TMCO4: variants seen among roughly 807,000 people sequenced by gnomAD.
TMCO4 encodes the protein transmembrane and coiled-coil domains 4, also known as transmembrane and coiled-coil domain-containing protein 4.
Under a neutral mutation model 64.7 loss-of-function variants are expected in TMCO4, and 58 were observed. That is an observed-to-expected ratio of 0.90 (90% CI 0.73 to 1.12). The LOEUF (loss-of-function observed/expected upper bound fraction) is 1.12. Ranked by LOEUF, TMCO4 falls within the 50% of genes most tolerant of loss-of-function variation. The pLI is 0.00. For synonymous variants in TMCO4, 325 were observed against 346.1 expected (o/e 0.94, Z 0.68); for missense variants, 780 against 825.9 (o/e 0.94, Z 0.68).
At chr1:19,687,171 C>T (rs181919334) in intron 15 of TMCO4, among the ~76,000 whole-genome samples, 1 of 152,224 alleles carries the variant, frequency 6.6e-6, no homozygotes, top group African/African-American at 2.4e-5. Context: ...GGGCTGGTCT[C>T]GGACTCCCAA....
chr1:19,721,554 C>T (rs527599755), intron 13 of TMCO4, among the ~76,000 whole-genome samples: 14 of 152,078 alleles, frequency 9.2e-5, no homozygotes, highest in South Asian at 4.2e-4. Context: ...TTTGGGAGGC[C>T]GAGGTGAGTG....
At chr1:19,784,680 C>T (rs1284936305) in intron 3 of TMCO4, among the ~76,000 whole-genome samples, 1 of 152,068 alleles carries the variant, frequency 6.6e-6, no homozygotes, top group Non-Finnish European at 1.5e-5. Context: ...CACTAGGTTG[C>T]TTAAAAGCCT....
intron 6 of TMCO4, among the ~76,000 whole-genome samples, chr1:19,759,599 C>T (rs377359613): frequency 4.6e-5 from 7 of 152,246 alleles, no homozygotes; most frequent in African/African-American, 7.2e-5. Context: ...ACGGCTGCCT[C>T]GGGGCCTTTG....
rs543826517 is a variant in TMCO4, at chr1:19,701,783, G to A, written c.1265-898C>T. Among the ~76,000 whole-genome samples the A allele has an allele frequency of 9.2e-5, 14 of 152,208 alleles. 1 individual carries two copies. Among genetic ancestry groups the A allele is most frequent in the African/African-American group, 1.4e-4 (6 of 41,524 alleles). Reference sequence around the variant, plus strand: ...GGTCCTGGGGTCAGGGAGTGCACTCGTCCGCTGCATCGATCTAATGATTTA... The same window carrying A: ...GGTCCTGGGGTCAGGGAGTGCACTCATCCGCTGCATCGATCTAATGATTTA... On this transcript the variant is annotated intron_variant, in intron 13 of 15. Coordinates refer to ENST00000294543, the MANE Select transcript of TMCO4 (RefSeq NM_181719.7).
intron 13 of TMCO4, among the ~76,000 whole-genome samples, chr1:19,728,440 G>A (rs1479762478): frequency 6.6e-6 from 1 of 152,186 alleles, no homozygotes; most frequent in Non-Finnish European, 1.5e-5. Context: ...TGCTATTGCT[G>A]TGACAATGAT....
intron 13 of TMCO4, among the ~76,000 whole-genome samples, chr1:19,703,474 C>T (rs1403656857): frequency 6.6e-6 from 1 of 151,046 alleles, no homozygotes; most frequent in Non-Finnish European, 1.5e-5. Context: ...TCCTTCCCTC[C>T]TTCCTTCCTT....
intron 7 of TMCO4, among the ~76,000 whole-genome samples, chr1:19,750,996 C>T (rs190549856): frequency 3.9e-5 from 6 of 152,356 alleles, no homozygotes; most frequent in Non-Finnish European, 5.9e-5. Flanking sequence ...GGGGCAGAAT[C>T]TCTGGGTCTA....
chr1:19,765,263 C>T (rs1460488361), intron 6 of TMCO4, among the ~76,000 whole-genome samples: 2 of 152,166 alleles, frequency 1.3e-5, no homozygotes, highest in African/African-American at 4.8e-5. Context: ...CCTGTAAGAG[C>T]AGGTTAACAG....
At chr1:19,728,184 C>A (rs996144880) in intron 13 of TMCO4, among the ~76,000 whole-genome samples, 4 of 152,162 alleles carry the variant, frequency 2.6e-5, no homozygotes, top group African/African-American at 4.8e-5. Flanking sequence ...CAAGCCTGCA[C>A]ATGTACCCCA....
intron 6 of TMCO4, among the ~76,000 whole-genome samples, chr1:19,767,524 G>A (rs1557593555): frequency 6.6e-6 from 1 of 152,200 alleles, no homozygotes; most frequent in Non-Finnish European, 1.5e-5. Flanking sequence ...CAGTGGAGAT[G>A]TCTTAGGTGC....
chr1:19,757,519 C>T (rs2042319998), intron 6 of TMCO4, among the ~76,000 whole-genome samples: 1 of 152,080 alleles, frequency 6.6e-6, no homozygotes, highest in African/African-American at 2.4e-5. Context: ...TCCCTTTTGC[C>T]ATGTAGGGTA....
At position 19,789,629 on chromosome 1, in the gene TMCO4, A is replaced by AT. The variant is rs147960794; in HGVS notation, c.-100-2513dup. Among the ~76,000 whole-genome samples the AT allele has an allele frequency of 6.6e-3, 1,004 of 152,268 alleles. 12 individuals carry two copies. The highest frequency in any genetic ancestry group is 0.023 in the African/African-American group (954 of 41,548). ...AAAAAAACCCTTTTAATTAGAACTA[A>AT]TTCTGCCTCTTGATCCTTAGAAGGG... On this transcript the variant is annotated intron_variant, in intron 2 of 15. Coordinates refer to ENST00000294543, the MANE Select transcript of TMCO4 (RefSeq NM_181719.7).
Position 19,737,378 on chromosome 1 carries a change from C to T in TMCO4, c.1258G>A (p.Glu420Lys), listed in dbSNP as rs757038035. ...IYFCLQEMAQ[E>K]KDCQGIIEDV... is the part of the protein sequence containing the mutation. ...GACAATAATCCATGCTCACCTTTCT[C>T]TTGAGCCATCTCCTGCAGACAGAAG... The change falls in exon 13 of 16, where the codon GAG (glutamate) becomes AAG (lysine). Residue 420 changes from glutamate to lysine, a missense_variant. Physicochemically the swap from Glu to Lys is moderately conservative, Grantham distance 56. Transcript: ENST00000294543. 1 of 1,613,332 alleles carries T rather than the reference C, an allele frequency of 6.2e-7. No homozygotes were observed. Among genetic ancestry groups the T allele is most frequent in the South Asian group, 1.1e-5 (1 of 91,014 alleles).
chr1:19,700,581 A>C (rs1008702651), intron 14 of TMCO4, among the ~76,000 whole-genome samples, 187 bp downstream of exon 14: 1 of 152,176 alleles, frequency 6.6e-6, no homozygotes, highest in African/African-American at 2.4e-5. Context: ...ATGCTACTGG[A>C]GGGCCGCTTC....
At chr1:19,768,680 A>G (rs947666701) in intron 6 of TMCO4, among the ~76,000 whole-genome samples, 1 of 152,202 alleles carries the variant, frequency 6.6e-6, no homozygotes, top group Admixed American at 6.5e-5. Context: ...GAGCCCTTTC[A>G]GCTCCACGAT....
intron 7 of TMCO4, among the ~76,000 whole-genome samples, chr1:19,754,074 G>T (rs1473432358): frequency 6.6e-6 from 1 of 152,160 alleles, no homozygotes; most frequent in African/African-American, 2.4e-5. Context: ...TTTTACAGGT[G>T]AGGAAGTTGA....
At chr1:19,715,969 G>A (rs1186945311) in intron 13 of TMCO4, among the ~76,000 whole-genome samples, 1 of 152,100 alleles carries the variant, frequency 6.6e-6, no homozygotes, top group African/African-American at 2.4e-5. Flanking sequence ...ATGGGACTCT[G>A]GGCTTAGCCC....
intron 13 of TMCO4, among the ~76,000 whole-genome samples, chr1:19,716,386 T>C (rs2095356613): frequency 6.7e-6 from 1 of 148,150 alleles, no homozygotes; most frequent in Non-Finnish European, 1.5e-5. Flanking sequence ...TCTTTCTTTT[T>C]TTTTTTTTTT....
chr1:19,788,724 A>G (rs1393722609), intron 2 of TMCO4, among the ~76,000 whole-genome samples: 1 of 152,218 alleles, frequency 6.6e-6, no homozygotes, highest in South Asian at 2.1e-4. Context: ...ATTTTGTTCT[A>G]GAGAGGTAGT....
Sources: gnomAD v4.1 joint callset for allele counts (sites outside exome capture counted in the v4.1 genomes callset) on GRCh38, gnomAD v4.1.1 for gene constraint, MANE v1.5 for transcripts, NCBI Gene and HGNC (gene_info 2026-07-23, HGNC 2026-07-21) for gene names.